IL7: variants seen among roughly 807,000 people sequenced by gnomAD.
IL7 encodes the protein interleukin-7.
IL7 carries 3 observed loss-of-function variants against 21.6 expected under a neutral mutation model. The observed-to-expected ratio is 0.14, with a 90% CI of 0.06 to 0.36. The LOEUF (loss-of-function observed/expected upper bound fraction) is 0.36. Among genes scored for constraint, IL7 ranks in the 10% least tolerant of loss-of-function variants. The pLI is 1.00. For synonymous variants in IL7, 62 were observed against 68.1 expected (o/e 0.91, Z 0.44); for missense variants, 175 against 200.2 (o/e 0.87, Z 0.76).
intron 3 of IL7, among the ~76,000 whole-genome samples, chr8:78,700,446 T>G (rs544277786): frequency 2.7e-4 from 41 of 152,216 alleles, no homozygotes; most frequent in Non-Finnish European, 4.9e-4. Flanking sequence ...TTGCTCCCAT[T>G]CTGTAGGTTG....
intron 3 of IL7, among the ~76,000 whole-genome samples, chr8:78,707,977 C>G (rs12675291): frequency 2.0e-5 from 3 of 151,714 alleles, no homozygotes; most frequent in Non-Finnish European, 4.4e-5. Context: ...AGCAGAATGC[C>G]TAGGCTAACA....
chr8:78,771,339 A>G (rs1278091703), intron 2 of IL7, among the ~76,000 whole-genome samples: 1 of 152,096 alleles, frequency 6.6e-6, no homozygotes, highest in South Asian at 2.1e-4. Flanking sequence ...CATCTCTCTG[A>G]CCAAAGCAAC....
intron 3 of IL7, among the ~76,000 whole-genome samples, chr8:78,698,873 C>G (rs1054094395): frequency 9.2e-5 from 14 of 152,226 alleles, no homozygotes; most frequent in African/African-American, 3.1e-4. Context: ...TTTGTTAAAA[C>G]CACTTCATAA....
intron 4 of IL7, chr8:78,678,711 T>A: frequency 6.7e-7 from 1 of 1,482,610 alleles, no homozygotes; most frequent in Non-Finnish European, 9.1e-7. Flanking sequence ...CAGTATGAAC[T>A]TTGGTGTTAT....
chr8:78,703,000 G>A (rs917082668), intron 3 of IL7, among the ~76,000 whole-genome samples: 4 of 152,052 alleles, frequency 2.6e-5, no homozygotes, highest in Non-Finnish European at 4.4e-5. Context: ...GGGTTCAAGC[G>A]ATTCTCCTGC....
intron 5 of IL7, among the ~76,000 whole-genome samples, chr8:78,735,602 C>T (rs1365786125): frequency 1.3e-5 from 2 of 152,074 alleles, no homozygotes; most frequent in Admixed American, 1.3e-4. Flanking sequence ...GCCACCGCAC[C>T]CAACCTTTCT....
At chr8:78,720,255 G>A (rs1400999418) in intron 5 of IL7, among the ~76,000 whole-genome samples, 2 of 151,796 alleles carry the variant, frequency 1.3e-5, no homozygotes, top group South Asian at 2.1e-4. Context: ...AGAAAACACA[G>A]ATAACAAAGA....
At position 78,682,093 on chromosome 8, in the gene IL7, G is replaced by C. The variant is rs758711426; in HGVS notation, n.273+3796C>G. Among the ~76,000 whole-genome samples, 3 of 151,406 alleles carry C rather than the reference G, an allele frequency of 2.0e-5. No homozygotes were observed. In the South Asian group the frequency reaches 6.2e-4, roughly 31 times the overall value. On this transcript the variant is annotated intron_variant and non_coding_transcript_variant, in intron 4 of 4. Coordinates refer to the IL7 transcript ENST00000523959. Reference sequence around the variant, plus strand: ...TTTGTGGATTCAACACATAATTCTTGATTTTAAAAATATAGACATAGTAGG... The same window carrying C: ...TTTGTGGATTCAACACATAATTCTTCATTTTAAAAATATAGACATAGTAGG...
At chr8:78,718,554 T>C (rs575782760) in intron 6 of IL7, 14 of 151,922 alleles carry the variant, frequency 9.2e-5, no homozygotes, top group Non-Finnish European at 1.8e-4. Flanking sequence ...GAATATCTAA[T>C]TTTCCTACTC....
chr8:78,678,820 A>T (rs1159864931), intron 4 of IL7: 1 of 490,416 alleles, frequency 2.0e-6, no homozygotes, highest in Non-Finnish European at 3.4e-6. Flanking sequence ...ATTCTGTGTT[A>T]TATGTTCAGT....
At position 78,691,621 on chromosome 8, in the gene IL7, T is replaced by G. The variant is rs1810213805; in HGVS notation, n.215-5674A>C. Among the ~76,000 whole-genome samples the G allele has an allele frequency of 2.6e-5, 4 of 152,196 alleles. 1 individual carries two copies. In the South Asian group the frequency reaches 8.3e-4, roughly 31 times the overall value. On this transcript the variant is annotated intron_variant and non_coding_transcript_variant, in intron 3 of 4. Coordinates refer to the IL7 transcript ENST00000523959. ...TTAGGTCTGCCATCTGTTTTCTCCT[T>G]TTGTAATTTTTTTAAAAATTCACCA...
intron 3 of IL7, chr8:78,697,414 C>G: frequency 6.3e-7 from 1 of 1,596,074 alleles, no homozygotes; most frequent in Non-Finnish European, 8.5e-7. Flanking sequence ...TAGTATAAGC[C>G]ACCCGCACTT....
At chr8:78,709,719 T>TAAAA (rs762270772) in intron 3 of IL7, among the ~76,000 whole-genome samples, 1 of 130,464 alleles carries the variant, frequency 7.7e-6, no homozygotes, top group African/African-American at 2.8e-5. Context: ...GCTGATGAAC[T>TAAAA]AAAAAAAAAA....
At chr8:78,686,437 T>C in intron 3 of IL7, 1 of 1,168,620 alleles carries the variant, frequency 8.6e-7, no homozygotes. Context: ...GTTTGTTTAT[T>C]TATTTATTTA....
At chr8:78,803,731 A>T (rs1814175353) in intron 1 of IL7, among the ~76,000 whole-genome samples, 1 of 152,196 alleles carries the variant, frequency 6.6e-6, no homozygotes, top group African/African-American at 2.4e-5. Flanking sequence ...GGGCATTGCA[A>T]GGAAAATAGG....
At chr8:78,712,117 G>A (rs1482468156) in intron 3 of IL7, 2 of 1,265,406 alleles carry the variant, frequency 1.6e-6, no homozygotes, top group African/African-American at 1.5e-5. Context: ...GTAAGTATTT[G>A]TAACTCAGTT....
chr8:78,804,419 G>A (rs1291620520), intron 1 of IL7, among the ~76,000 whole-genome samples: 1 of 152,186 alleles, frequency 6.6e-6, no homozygotes, highest in African/African-American at 2.4e-5. Context: ...GGGGTTTTCC[G>A]GAGACCTGTT....
At position 78,760,041 on chromosome 8, in the gene IL7, G is replaced by C. The variant is rs557594529; in HGVS notation, c.148-19959C>G. 10 of 1,074,902 alleles carry C rather than the reference G, an allele frequency of 9.3e-6. No homozygotes were observed. The Admixed American group carries it at 1.1e-4, about 11-fold the overall frequency. The allele number at this position is 1,074,902 out of a possible 1,614,324, so 66.6% of individuals were successfully genotyped here. Reference sequence around the variant, plus strand: ...ATCAATGGCTAATGTATTCAATGGAGTCCTATAGGCAAAGATATTTAGTGA... The same window carrying C: ...ATCAATGGCTAATGTATTCAATGGACTCCTATAGGCAAAGATATTTAGTGA... On this transcript the variant is annotated intron_variant, in intron 2 of 5. Transcript: ENST00000263851.
intron 2 of IL7, among the ~76,000 whole-genome samples, chr8:78,745,699 C>A (rs966205749): frequency 6.6e-6 from 1 of 152,110 alleles, no homozygotes; most frequent in Non-Finnish European, 1.5e-5. Context: ...ATTGTTCAGC[C>A]AGTATTTAAC....
Sources: allele counts gnomAD v4.1 joint callset (sites outside exome capture counted in the v4.1 genomes callset), GRCh38; gene constraint gnomAD v4.1.1; transcripts MANE v1.5; gene names NCBI Gene and HGNC (gene_info 2026-07-23, HGNC 2026-07-21).